Variants in KIAA1217 observed in about 807,000 individuals in gnomAD.
KIAA1217 encodes KIAA1217.
Under a neutral mutation model 163.9 loss-of-function variants are expected in KIAA1217, and 88 were observed. The observed-to-expected ratio is 0.54, with a 90% CI of 0.45 to 0.64. The LOEUF is 0.64. Ranked by LOEUF, KIAA1217 falls within the 30% of genes least tolerant of loss-of-function variation. KIAA1217 has a pLI of 0.00. For synonymous variants in KIAA1217, 903 were observed against 923.1 expected, an observed-to-expected ratio of 0.98 and a Z score of 0.39; for missense variants, 2,372 against 2,475.0, an observed-to-expected ratio of 0.96 and a Z score of 0.88.
chr10:24,407,209 G>C (rs1296114235), intron 3 of KIAA1217, among the ~76,000 whole-genome samples: 2 of 152,102 alleles, frequency 1.3e-5, no homozygotes, highest in Non-Finnish European at 2.9e-5. Context: ...TTAATCGTTG[G>C]TGATGATAAC....
At chr10:24,014,327 C>G (rs1847379563) in intron 2 of KIAA1217, among the ~76,000 whole-genome samples, 1 of 152,130 alleles carries the variant, frequency 6.6e-6, no homozygotes, top group Non-Finnish European at 1.5e-5. Flanking sequence ...ACTATGTGTT[C>G]TCATATTCAG....
chr10:24,414,771 T>C (rs567989844), intron 3 of KIAA1217, among the ~76,000 whole-genome samples: 2 of 152,284 alleles, frequency 1.3e-5, no homozygotes, highest in African/African-American at 4.8e-5. Flanking sequence ...TTCGCCACCC[T>C]CAGACATTTG....
At chr10:24,253,823 G>A (rs538894762) in intron 2 of KIAA1217, among the ~76,000 whole-genome samples, 1 of 152,012 alleles carries the variant, frequency 6.6e-6, no homozygotes, top group Non-Finnish European at 1.5e-5. Context: ...GTTGAAGCGG[G>A]AGGATCACCT....
At chr10:24,528,651 A>T (rs2072617519) in intron 14 of KIAA1217, among the ~76,000 whole-genome samples, 1 of 152,124 alleles carries the variant, frequency 6.6e-6, no homozygotes. Flanking sequence ...TATGCTAACC[A>T]CAGTAGAGAA....
chr10:23,815,616 C>T (rs1484528497), intron 1 of KIAA1217, among the ~76,000 whole-genome samples: 2 of 152,126 alleles, frequency 1.3e-5, no homozygotes, highest in Non-Finnish European at 2.9e-5. Context: ...TGCACTCCAG[C>T]CTGGGCGACA....
intron 1 of KIAA1217, among the ~76,000 whole-genome samples, chr10:23,734,845 G>C (rs1221687332): frequency 6.6e-6 from 1 of 151,828 alleles, no homozygotes; most frequent in African/African-American, 2.4e-5. Flanking sequence ...CATATATCAG[G>C]CTCGTTATAT....
At chr10:23,949,516 A>C (rs188338061) in intron 1 of KIAA1217, among the ~76,000 whole-genome samples, 37 of 152,322 alleles carry the variant, frequency 2.4e-4, no homozygotes, top group African/African-American at 8.7e-4. Context: ...AATGCATTAA[A>C]TCCAGACACC....
At position 24,539,863 on chromosome 10, in the gene KIAA1217, C is replaced by T. The variant is rs960256650; in HGVS notation, c.3535-2830C>T. 3.9e-5 allele frequency among the ~76,000 whole-genome samples: 6 copies of T among 152,312 alleles called. No homozygotes were observed. The East Asian group carries it at 1.2e-3, about 29-fold the overall frequency. ...ACTGAAACTCCAGCCTAGTTCTTCACTTGTATGCAATTTTCTTGTAACCCT... is the reference window on the plus strand; with the variant it reads ...ACTGAAACTCCAGCCTAGTTCTTCATTTGTATGCAATTTTCTTGTAACCCT... On this transcript the variant is annotated intron_variant, in intron 17 of 20. Transcript: ENST00000376454.
intron 2 of KIAA1217, among the ~76,000 whole-genome samples, chr10:24,023,153 C>A (rs767632187): frequency 3.3e-5 from 5 of 151,592 alleles, no homozygotes; most frequent in Non-Finnish European, 7.4e-5. Context: ...CTGAAAAATT[C>A]AAATGAGTCC....
At chr10:24,150,087 A>G (rs12250035) in intron 2 of KIAA1217, among the ~76,000 whole-genome samples, 5,745 of 152,136 alleles carry the variant, frequency 0.038, 177 homozygotes, top group African/African-American at 0.084. Flanking sequence ...GCGCGATCTC[A>G]GCTCACTGCA....
At chr10:24,229,728 A>G (rs1057219092) in intron 2 of KIAA1217, among the ~76,000 whole-genome samples, 1 of 152,160 alleles carries the variant, frequency 6.6e-6, no homozygotes, top group African/African-American at 2.4e-5. Context: ...CATATTGGCC[A>G]GGCTGGTCTC....
chr10:24,544,459 C>A lies in KIAA1217; in HGVS notation c.5189C>A (p.Ser1730Ter). 6.2e-7 allele frequency: 1 copy of A among 1,612,946 alleles called. No individual in the cohort carries two copies. The highest frequency in any genetic ancestry group is 1.1e-5 in the South Asian group (1 of 91,026). Residue 1730 changes from serine to a stop codon, truncating the protein, a stop_gained, in exon 19 of 21, where the codon TCG becomes TAG. Coordinates refer to ENST00000376454, the MANE Select transcript of KIAA1217 (RefSeq NM_019590.5). LOFTEE classifies it high-confidence loss of function. ...EGPTALEPPT[S>*]IPSASRKGSS... ...CCCACTGCCCTAGAGCCCCCTACGT[C>A]GATACCTTCAGCTTCACGTAAGGTA... is the stretch of plus-strand genomic sequence containing the variant.
At chr10:24,144,208 A>G (rs1021196460) in intron 2 of KIAA1217, among the ~76,000 whole-genome samples, 6 of 152,364 alleles carry the variant, frequency 3.9e-5, no homozygotes, top group African/African-American at 1.4e-4. Flanking sequence ...ACAAGGGGCT[A>G]CCTTCTCCAT....
At chr10:24,066,304 T>C (rs1418891115) in intron 2 of KIAA1217, among the ~76,000 whole-genome samples, 2 of 152,332 alleles carry the variant, frequency 1.3e-5, no homozygotes, top group East Asian at 1.9e-4. Context: ...CCATGTTTAG[T>C]GCTTCCTTCA....
intron 2 of KIAA1217, among the ~76,000 whole-genome samples, chr10:24,060,874 C>A (rs2060697728): frequency 6.6e-6 from 1 of 152,114 alleles, no homozygotes; most frequent in South Asian, 2.1e-4. Context: ...CATGTGGTCT[C>A]TCCTGAAGAA....
chr10:23,704,170 G>GTATATATATATATA (rs1314137167), intron 1 of KIAA1217, among the ~76,000 whole-genome samples: 7 of 54,092 alleles, frequency 1.3e-4, no homozygotes, highest in Non-Finnish European at 1.8e-4. Flanking sequence ...GTGTGTGTGT[G>GTATATATATATATA]TGTATATATA....
rs993303942 is a variant in KIAA1217, at chr10:24,278,117, G to A, written c.354+58208G>A. ...CTGTGTGTGAAAGTAGCGAGGAGAG[G>A]CAGGGTCTGCATGAGCCACTTTGGA... On this transcript the variant is annotated intron_variant, in intron 2 of 20. Transcript: ENST00000376454. Among the ~76,000 whole-genome samples the A allele has an allele frequency of 1.2e-4, 18 of 152,330 alleles. 1 individual carries two copies. The highest frequency in any genetic ancestry group is 1.0e-3 in the Admixed American group (16 of 15,302).
intron 1 of KIAA1217, among the ~76,000 whole-genome samples, chr10:23,854,209 TTG>T (rs1839519148): frequency 6.6e-6 from 1 of 152,224 alleles, no homozygotes; most frequent in Non-Finnish European, 1.5e-5. Flanking sequence ...TTCTGATATG[TTG>T]TGTCTTTGTT....
At chr10:24,066,697 T>G (rs1428290546) in intron 2 of KIAA1217, among the ~76,000 whole-genome samples, 1 of 152,230 alleles carries the variant, frequency 6.6e-6, no homozygotes, top group East Asian at 1.9e-4. Context: ...TCTGCCTTGC[T>G]AGATTGGGGA....
Sources: allele counts gnomAD v4.1 joint callset (sites outside exome capture counted in the v4.1 genomes callset), GRCh38; gene constraint gnomAD v4.1.1; transcripts MANE v1.5; gene names NCBI Gene and HGNC (gene_info 2026-07-23, HGNC 2026-07-21).